OR1L8: variants seen among roughly 807,000 people sequenced by gnomAD.
OR1L8 encodes the protein olfactory receptor family 1 subfamily L member 8.
For synonymous variants in OR1L8, 148 were observed against 147.0 expected (o/e 1.01, Z -0.05); for missense variants, 330 against 377.4 (o/e 0.87, Z 1.04).
downstream of OR1L8, among the ~76,000 whole-genome samples, chr9:122,562,413 C>T (rs4836892): frequency 0.29 from 43,662 of 152,144 alleles, 6,455 homozygotes; most frequent in Middle Eastern, 0.34. Context: ...TGAGAATCTG[C>T]GTAGCTCTGT....
chr9:122,569,900 A>G (rs945598330), intron 4 of OR1L8, among the ~76,000 whole-genome samples: 4 of 151,374 alleles, frequency 2.6e-5, no homozygotes, highest in Non-Finnish European at 4.4e-5. Flanking sequence ...TCATTGTTCA[A>G]TTCCCACCAA....
chr9:122,568,464 T>C lies in OR1L8; in HGVS notation c.14A>G (p.Asn5Ser). 6.3e-7 allele frequency: 1 copy of C among 1,577,916 alleles called. No homozygotes were observed. The highest frequency in any genetic ancestry group is 8.6e-7 in the Non-Finnish European group (1 of 1,161,808). The change falls in exon 5 of 5, where the codon AAC becomes AGC. Residue 5 changes from asparagine to serine, a missense_variant. Transcript: ENST00000641027. MERI[N>S]HTSSVSEFIL... The stretch of plus-strand genomic sequence containing the variant: ...AAACTCGGAGACACTGCTGGTGTGG[T>C]TGATTCTTTCCATTGACTTGGGCTC...
the OR1L8 span, among the ~76,000 whole-genome samples, chr9:122,548,593 A>T: frequency 6.6e-6 from 1 of 151,434 alleles, no homozygotes; most frequent in Non-Finnish European, 1.5e-5. Flanking sequence ...AAATTTTTAT[A>T]TATATATATT....
At chr9:122,554,354 T>A in the OR1L8 span, 2 of 547,200 alleles carry the variant, frequency 3.7e-6, no homozygotes, top group South Asian at 2.3e-5. Context: ...TGTCTCAGCC[T>A]CTTTCCTGAC....
intron 1 of OR1L8, 126 bp from the exon 2 acceptor site, chr9:122,578,571 G>A (rs905175283): frequency 1.3e-5 from 2 of 151,996 alleles, no homozygotes; most frequent in Non-Finnish European, 2.9e-5. Flanking sequence ...CAATCAGTGA[G>A]TGGATAAAGA....
chr9:122,559,775 G>C, the OR1L8 span, among the ~76,000 whole-genome samples: 3 of 152,180 alleles, frequency 2.0e-5, no homozygotes, highest in Admixed American at 2.0e-4. Context: ...GTGCCATGTG[G>C]CACTGAGAAG....
At chr9:122,576,222 C>CTT (rs534911390) in intron 3 of OR1L8, among the ~76,000 whole-genome samples, 1 of 151,364 alleles carries the variant, frequency 6.6e-6, no homozygotes. Context: ...TTCTTTTTTA[C>CTT]ATTTTTTTTT....
chr9:122,572,186 G>A (rs78353332), intron 4 of OR1L8, among the ~76,000 whole-genome samples: 3,039 of 152,232 alleles, frequency 0.02, 47 homozygotes, highest in Middle Eastern at 0.027. Context: ...TGAGGGATCC[G>A]TCCCCATGAT....
chr9:122,582,993 AAG>A (rs1829757244), intron 1 of OR1L8, among the ~76,000 whole-genome samples: 1 of 151,776 alleles, frequency 6.6e-6, no homozygotes, highest in African/African-American at 2.4e-5. Flanking sequence ...GAGAATATAA[AAG>A]AATAAGGAAA....
chr9:122,550,662 C>G, the OR1L8 span, among the ~76,000 whole-genome samples: 1 of 151,736 alleles, frequency 6.6e-6, no homozygotes, highest in Non-Finnish European at 1.5e-5. Context: ...ATAATCATCT[C>G]AATAGATATA....
intron 4 of OR1L8, among the ~76,000 whole-genome samples, chr9:122,572,171 A>G (rs1040880888): frequency 3.3e-5 from 5 of 152,168 alleles, no homozygotes; most frequent in Admixed American, 1.3e-4. Context: ...GTGCTAAACC[A>G]TTCATGAGGG....
At chr9:122,549,932 C>G in the OR1L8 span, among the ~76,000 whole-genome samples, 4 of 152,024 alleles carry the variant, frequency 2.6e-5, no homozygotes, top group Non-Finnish European at 4.4e-5. Flanking sequence ...TGCATTGAAT[C>G]TATAGATTGC....
the OR1L8 span, chr9:122,553,445 T>A: frequency 1.2e-6 from 2 of 1,614,194 alleles, no homozygotes; most frequent in Non-Finnish European, 1.7e-6. Context: ...GTTTCACTTC[T>A]GCCTCCATCC....
chr9:122,571,999 G>A (rs1453888726), intron 4 of OR1L8, among the ~76,000 whole-genome samples: 1 of 152,156 alleles, frequency 6.6e-6, no homozygotes, highest in Non-Finnish European at 1.5e-5. Context: ...TTCTGATTCT[G>A]GGGAGGCCTC....
In OR1L8 at chr9:122,568,607, G is replaced by T. The variant is rs1663888290; in HGVS notation, c.-130C>A. 4 of 615,524 alleles carry T rather than the reference G, an allele frequency of 6.5e-6. No homozygotes were observed. Among genetic ancestry groups the T allele is most frequent in the African/African-American group, 3.7e-5 (2 of 54,076 alleles). The allele number at this position is 615,524 out of a possible 1,614,324, so 38.1% of individuals were successfully genotyped here. On this transcript the variant is annotated 5_prime_UTR_variant, in exon 5 of 5. Coordinates refer to ENST00000641027, the MANE Select transcript of OR1L8 (RefSeq NM_001004454.2). ...CACAATTAGCTACTGTGCTAATTGT[G>T]GGATGGCTTGTTCACCTCATGGTCC...
chr9:122,565,807 A>G (rs185460959), downstream of OR1L8, among the ~76,000 whole-genome samples: 5 of 152,242 alleles, frequency 3.3e-5, no homozygotes, highest in Admixed American at 2.0e-4. Context: ...TTTGATTTCA[A>G]CTCTAAGAAC....
chr9:122,553,703 G>A, the OR1L8 span: 3 of 1,614,096 alleles, frequency 1.9e-6, no homozygotes, highest in Middle Eastern at 1.7e-4. Flanking sequence ...TGCACACACT[G>A]TTGCTGACCC....
intron 1 of OR1L8, among the ~76,000 whole-genome samples, chr9:122,581,592 G>T (rs1279086591): frequency 6.6e-6 from 1 of 152,076 alleles, no homozygotes; most frequent in Non-Finnish European, 1.5e-5. Context: ...AAATTTAGAA[G>T]TCTAGAAATA....
chr9:122,570,371 T>G (rs139762620), intron 4 of OR1L8, among the ~76,000 whole-genome samples: 34 of 152,374 alleles, frequency 2.2e-4, no homozygotes, highest in African/African-American at 7.0e-4. Flanking sequence ...CAGTATATTC[T>G]TTTACACATT....
Sources: allele counts gnomAD v4.1 joint callset (sites outside exome capture counted in the v4.1 genomes callset), GRCh38; gene constraint gnomAD v4.1.1; transcripts MANE v1.5; gene names NCBI Gene and HGNC (gene_info 2026-07-23, HGNC 2026-07-21).